SWI5: variants seen among roughly 807,000 people sequenced by gnomAD.
The protein encoded by SWI5 is SWI5 homologous recombination repair protein, also known as DNA repair protein SWI5 homolog.
Under a neutral mutation model 17.0 loss-of-function variants are expected in SWI5, and 12 were observed. The ratio of observed to expected loss-of-function variants is 0.71; its 90% confidence interval spans 0.45 to 1.14. SWI5 has a LOEUF of 1.14. SWI5 is among the 50% of genes most tolerant of loss of function. SWI5 has a pLI of 0.00. For missense variants in SWI5, 158 were observed against 162.2 expected (o/e 0.97, Z 0.14); for synonymous variants, 61 against 64.0 (o/e 0.95, Z 0.22).
At chr9:128,276,755 T>G (rs1348639048) in exon 2 of SWI5, 16 of 1,609,104 alleles carry the variant, frequency 9.9e-6, no homozygotes, top group Admixed American at 8.4e-5. Context: ...TCCGATCCCC[T>G]GTGAGTATTT....
At chr9:128,277,380 T>C (rs1281438771) in intron 2 of SWI5, among the ~76,000 whole-genome samples, 3 of 152,042 alleles carry the variant, frequency 2.0e-5, no homozygotes, top group Admixed American at 6.6e-5. Flanking sequence ...GATGAAACCC[T>C]GTCTCTACTA....
intron 2 of SWI5, 54 bp downstream of exon 2, chr9:128,276,809 G>C (rs1260957519): frequency 2.6e-6 from 4 of 1,531,758 alleles, no homozygotes; most frequent in South Asian, 1.2e-5. Flanking sequence ...TCCCTTGTGC[G>C]CTCCCGGCCC....
exon 3 of SWI5, chr9:128,284,627 T>A (rs1440465942): frequency 6.2e-7 from 1 of 1,613,288 alleles, no homozygotes; most frequent in Non-Finnish European, 8.5e-7. Flanking sequence ...CCAGTTCGTA[T>A]CTGAGTAAGT....
intron 4 of SWI5, among the ~76,000 whole-genome samples, chr9:128,287,982 T>A (rs1353717947): frequency 6.6e-6 from 1 of 152,162 alleles, no homozygotes; most frequent in Non-Finnish European, 1.5e-5. Flanking sequence ...ATGTGGTTTG[T>A]TTTCCTGTTA....
chr9:128,278,927 C>T (rs1388224908), intron 2 of SWI5, among the ~76,000 whole-genome samples: 2 of 150,716 alleles, frequency 1.3e-5, no homozygotes, highest in South Asian at 2.1e-4. Flanking sequence ...TGCCCGCCAC[C>T]ATGCCCGGCT....
At chr9:128,279,354 G>A (rs1406765900) in intron 2 of SWI5, among the ~76,000 whole-genome samples, 7 of 152,164 alleles carry the variant, frequency 4.6e-5, no homozygotes, top group South Asian at 2.1e-4. Flanking sequence ...CCACCAAGAC[G>A]TGGAGACCGG....
chr9:128,281,756 C>T (rs1831543084), intron 2 of SWI5, among the ~76,000 whole-genome samples: 2 of 152,222 alleles, frequency 1.3e-5, no homozygotes, highest in African/African-American at 2.4e-5. Flanking sequence ...AAATGCATAA[C>T]TTGTCGGGTG....
intron 2 of SWI5, among the ~76,000 whole-genome samples, chr9:128,280,704 A>G (rs1364524038): frequency 6.6e-6 from 1 of 152,032 alleles, no homozygotes; most frequent in Admixed American, 6.6e-5. Context: ...TTTTTAGTAG[A>G]GACGGGGTTT....
chr9:128,282,829 G>T (rs1046778557), intron 2 of SWI5, among the ~76,000 whole-genome samples: 3 of 152,224 alleles, frequency 2.0e-5, no homozygotes, highest in Non-Finnish European at 4.4e-5. Flanking sequence ...AGCTTCTACA[G>T]GCAGAAAGGG....
chr9:128,288,770 G>A, exon 5 of SWI5: 1 of 1,594,440 alleles, frequency 6.3e-7, no homozygotes, highest in African/African-American at 1.3e-5. Flanking sequence ...GTGTGGACAT[G>A]ATAAACACTG....
chr9:128,279,349 A>AAGACGTGG (rs1831495642), intron 2 of SWI5, among the ~76,000 whole-genome samples: 1 of 152,272 alleles, frequency 6.6e-6, no homozygotes, highest in East Asian at 1.9e-4. Flanking sequence ...CACTACCACC[A>AAGACGTGG]AGACGTGGAG....
intron 4 of SWI5, among the ~76,000 whole-genome samples, chr9:128,288,146 T>G (rs1475261569): frequency 6.6e-6 from 1 of 152,044 alleles, no homozygotes; most frequent in Non-Finnish European, 1.5e-5. Context: ...GGGAGGCCTC[T>G]GAGGAGAACC....
At chr9:128,284,274 G>T in intron 2 of SWI5, among the ~76,000 whole-genome samples, 1 of 140,488 alleles carries the variant, frequency 7.1e-6, no homozygotes, top group African/African-American at 2.8e-5. Context: ...GGGCAACAGA[G>T]CGAGACTCCG....
intron 2 of SWI5, among the ~76,000 whole-genome samples, chr9:128,277,895 C>T (rs900032256): frequency 2.0e-5 from 3 of 150,878 alleles, no homozygotes; most frequent in Non-Finnish European, 2.9e-5. Flanking sequence ...TTTGACCATG[C>T]GGTAACTCAC....
upstream of SWI5, chr9:128,276,095 G>T (rs765365807): frequency 3.4e-5 from 54 of 1,571,808 alleles, no homozygotes; most frequent in Non-Finnish European, 4.2e-5. Context: ...TGGCCTCAAA[G>T]ATCAAAGCCC....
At chr9:128,286,381 A>C (rs2131424713) in intron 4 of SWI5, 1 of 237,634 alleles carries the variant, frequency 4.2e-6, no homozygotes. Context: ...AAGAGGCTGC[A>C]AGTGCAAGGG....
At chr9:128,286,089 T>C in intron 4 of SWI5, 56 bp downstream of exon 4, 2 of 1,369,074 alleles carry the variant, frequency 1.5e-6, no homozygotes, top group Non-Finnish European at 2.1e-6. Context: ...TCGTCTCGCC[T>C]AGGGGTGTTG....
chr9:128,276,273 G>A lies in SWI5; in HGVS notation c.-68G>A. On this transcript the variant is annotated 5_prime_UTR_variant, in exon 1 of 5. Coordinates refer to ENST00000418976, the Ensembl canonical transcript of SWI5. ...TGGGTGCGCGCGCAGCTTTCTGTGC[G>A]CCAGTTCACACTCCGGGTCAGAGTT... 6.2e-7 allele frequency: 1 copy of A among 1,612,612 alleles called. No individual in the cohort carries two copies. Among genetic ancestry groups the A allele is most frequent in the Non-Finnish European group, 8.5e-7 (1 of 1,179,482 alleles).
In SWI5 at chr9:128,276,865, A is replaced by G. The variant is rs200944571; in HGVS notation, c.111+110A>G. On this transcript the variant is annotated intron_variant, in intron 2 of 4. Coordinates refer to ENST00000418976, the Ensembl canonical transcript of SWI5. ...GCCAATCCCCGCTTGGCCCTCTTCCATATCTTCTCCCAGTCGACTGAGAAC... is the reference window on the plus strand; with the variant it reads ...GCCAATCCCCGCTTGGCCCTCTTCCGTATCTTCTCCCAGTCGACTGAGAAC... The G allele has an allele frequency of 1.4e-5, 16 of 1,154,434 alleles. No individual in the cohort carries two copies. In the East Asian group the frequency reaches 2.2e-4, roughly 16 times the overall value. The allele number at this position is 1,154,434 out of a possible 1,614,324, so 71.5% of individuals were successfully genotyped here.
Sources: allele counts gnomAD v4.1 joint callset (sites outside exome capture counted in the v4.1 genomes callset), GRCh38; gene constraint gnomAD v4.1.1; transcripts MANE v1.5; gene names NCBI Gene and HGNC (gene_info 2026-07-23, HGNC 2026-07-21).